The following GLDC variants were observed in gnomAD, a reference collection of about 807,000 sequenced individuals.
GLDC encodes the protein glycine dehydrogenase (decarboxylating), mitochondrial.
Under a neutral mutation model 121.3 loss-of-function variants are expected in GLDC, and 104 were observed. That is an observed-to-expected ratio of 0.86 (90% CI 0.73 to 1.01). The LOEUF (loss-of-function observed/expected upper bound fraction) is 1.01. GLDC is among the 50% of genes least tolerant of loss of function. The pLI is 0.00. For synonymous variants in GLDC, 546 were observed against 480.6 expected (o/e 1.14, Z -1.78); for missense variants, 1,429 against 1,306.6 (o/e 1.09, Z -1.44).
At chr9:6,554,936 C>T (rs1425197915) in intron 18 of GLDC, 155 bp from the exon 19 acceptor site, 2 of 697,992 alleles carry the variant, frequency 2.9e-6, no homozygotes, top group East Asian at 2.7e-5. Context: ...CTATACTGGC[C>T]CAGTTCCGTA....
chr9:6,600,220 T>A (rs1818577587), intron 8 of GLDC, among the ~76,000 whole-genome samples: 1 of 152,064 alleles, frequency 6.6e-6, no homozygotes, highest in African/African-American at 2.4e-5. Flanking sequence ...TTTTGAAAAT[T>A]AGCTGGGCGT....
At chr9:6,609,713 C>T (rs951472483) in intron 4 of GLDC, among the ~76,000 whole-genome samples, 4 of 151,852 alleles carry the variant, frequency 2.6e-5, no homozygotes, top group East Asian at 1.9e-4. Context: ...AGCTAGGTGC[C>T]GAGTCAGCTG....
intron 17 of GLDC, 139 bp downstream of exon 17, chr9:6,558,420 G>T: frequency 1.0e-6 from 1 of 970,082 alleles, no homozygotes; most frequent in Admixed American, 1.7e-5. Context: ...GAGGGGTAGA[G>T]TAGACTCTGG....
At chr9:6,556,762 C>T (rs543846670) in intron 17 of GLDC, among the ~76,000 whole-genome samples, 3 of 151,082 alleles carry the variant, frequency 2.0e-5, no homozygotes, top group African/African-American at 4.9e-5. Flanking sequence ...CCACTGCACT[C>T]CAGCTTGGAC....
chr9:6,565,441 A>G lies in GLDC; in HGVS notation c.1851-12T>C. Reference sequence around the variant, plus strand: ...CTCCCTGGGCTCCGCTTGCAAAGACAAGAAGAAAGGGATCACGGTTAGGTC... The same window carrying G: ...CTCCCTGGGCTCCGCTTGCAAAGACGAGAAGAAAGGGATCACGGTTAGGTC... On this transcript the variant is annotated splice_polypyrimidine_tract_variant and intron_variant, in intron 15 of 24. Transcript: ENST00000321612. The G allele has an allele frequency of 6.2e-7, 1 of 1,603,476 alleles. No individual in the cohort carries two copies. Among genetic ancestry groups the G allele is most frequent in the South Asian group, 1.1e-5 (1 of 90,882 alleles).
At chr9:6,549,077 T>C (rs1036667528) in intron 21 of GLDC, among the ~76,000 whole-genome samples, 1 of 152,190 alleles carries the variant, frequency 6.6e-6, no homozygotes, top group African/African-American at 2.4e-5. Flanking sequence ...AAAGGCTTCC[T>C]AATTGTTATA....
At chr9:6,618,106 C>T (rs541413047) in intron 3 of GLDC, among the ~76,000 whole-genome samples, 15 of 152,288 alleles carry the variant, frequency 9.8e-5, no homozygotes, top group African/African-American at 3.4e-4. Context: ...CACCATACTC[C>T]ATCTATGTCT....
chr9:6,600,274 C>G (rs145075606), intron 8 of GLDC, among the ~76,000 whole-genome samples: 2 of 151,338 alleles, frequency 1.3e-5, no homozygotes, highest in Non-Finnish European at 2.9e-5. Context: ...AGGCTGAGAC[C>G]GGAGAATAAT....
chr9:6,644,470 C>T (rs529318847), intron 2 of GLDC, 144 bp downstream of exon 2: 79 of 694,202 alleles, frequency 1.1e-4, no homozygotes, highest in Non-Finnish European at 2.0e-4. Context: ...CCCGCGGCTC[C>T]GGAGGTACCC....
At chr9:6,612,813 G>A (rs1208079643) in intron 3 of GLDC, among the ~76,000 whole-genome samples, 1 of 152,158 alleles carries the variant, frequency 6.6e-6, no homozygotes, top group African/African-American at 2.4e-5. Flanking sequence ...AGTGAGCCAA[G>A]ATCATGCCAC....
At chr9:6,566,727 T>C (rs1817862321) in intron 15 of GLDC, among the ~76,000 whole-genome samples, 1 of 152,200 alleles carries the variant, frequency 6.6e-6, no homozygotes, top group South Asian at 2.1e-4. Flanking sequence ...AAAATGTGTA[T>C]GTCTGCGAAG....
intron 3 of GLDC, among the ~76,000 whole-genome samples, chr9:6,613,690 A>G (rs1028516943): frequency 6.6e-6 from 1 of 152,220 alleles, no homozygotes; most frequent in African/African-American, 2.4e-5. Flanking sequence ...AATATTAGAA[A>G]TAGCATAATA....
chr9:6,548,086 C>G (rs1351195950), intron 21 of GLDC, among the ~76,000 whole-genome samples: 2 of 152,142 alleles, frequency 1.3e-5, no homozygotes, highest in East Asian at 3.8e-4. Context: ...TTGCAATGAG[C>G]TGCCATGGCA....
At chr9:6,617,647 A>G (rs1382078229) in intron 3 of GLDC, among the ~76,000 whole-genome samples, 3 of 152,230 alleles carry the variant, frequency 2.0e-5, no homozygotes, top group African/African-American at 7.2e-5. Context: ...AAAGTGGAGC[A>G]TATTGAAACT....
At chr9:6,536,036 T>G (rs1386206174) in intron 23 of GLDC, 28 bp downstream of exon 23, 1 of 1,597,598 alleles carries the variant, frequency 6.3e-7, no homozygotes, top group Admixed American at 1.7e-5. Flanking sequence ...TAAGGAACAT[T>G]TCAAGCAATG....
chr9:6,549,551 T>C (rs1817466132), intron 21 of GLDC, among the ~76,000 whole-genome samples: 1 of 152,152 alleles, frequency 6.6e-6, no homozygotes, highest in African/African-American at 2.4e-5. Context: ...GCCATCTACT[T>C]GAGGCGTTTT....
intron 24 of GLDC, 35 bp downstream of exon 24, chr9:6,534,672 CT>C: frequency 1.7e-6 from 2 of 1,153,264 alleles, no homozygotes; most frequent in Non-Finnish European, 2.6e-6. Flanking sequence ...TGGCCCATGC[CT>C]TCCCAGCTGG....
intron 8 of GLDC, among the ~76,000 whole-genome samples, chr9:6,601,670 G>T (rs566485414): frequency 7.2e-4 from 109 of 152,214 alleles, no homozygotes; most frequent in African/African-American, 2.6e-3. Flanking sequence ...TGTCACTCAG[G>T]CTGGAGTGCA....
chr9:6,611,388 C>G (rs1171369409), intron 3 of GLDC, among the ~76,000 whole-genome samples: 2 of 152,152 alleles, frequency 1.3e-5, no homozygotes, highest in East Asian at 1.9e-4. Flanking sequence ...AAACCCGTCT[C>G]TACTAAAAAT....
Sources: gnomAD v4.1 joint callset for allele counts (sites outside exome capture counted in the v4.1 genomes callset) on GRCh38, gnomAD v4.1.1 for gene constraint, MANE v1.5 for transcripts, NCBI Gene and HGNC (gene_info 2026-07-23, HGNC 2026-07-21) for gene names.